PTPRM: variants seen among roughly 807,000 people sequenced by gnomAD.
PTPRM encodes receptor-type tyrosine-protein phosphatase mu.
Under a neutral mutation model 186.7 loss-of-function variants are expected in PTPRM, and 47 were observed. That is an observed-to-expected ratio of 0.25 (90% CI 0.20 to 0.32). The LOEUF (loss-of-function observed/expected upper bound fraction) is 0.32. Among genes scored for constraint, PTPRM ranks in the 10% least tolerant of loss-of-function variants. PTPRM has a pLI of 1.00. For synonymous variants in PTPRM, 668 were observed against 674.9 expected (o/e 0.99, Z 0.16); for missense variants, 1,494 against 1,865.0 (o/e 0.80, Z 3.66).
At position 8,383,518 on chromosome 18, in the gene PTPRM, C is replaced by T. The variant is rs9962525; in HGVS notation, c.3919-1043C>T. Among the ~76,000 whole-genome samples the T allele has an allele frequency of 7.6e-3, 1,162 of 152,098 alleles. 11 individuals are homozygous for T. The highest frequency in any genetic ancestry group is 0.027 in the African/African-American group (1,103 of 41,452). ...TTGTGGGGTGCTGGCTAATAAGCAC[C>T]TTCATAAGCCACCATGCCCAGCACC... On this transcript the variant is annotated intron_variant, in intron 29 of 32. Transcript: ENST00000580170.
At chr18:8,252,558 A>G in intron 18 of PTPRM, 59 bp downstream of exon 18, 1 of 1,494,730 alleles carries the variant, frequency 6.7e-7, no homozygotes, top group Non-Finnish European at 9.3e-7. Flanking sequence ...TGTGTGTCTT[A>G]CTGGTAGATT....
intron 14 of PTPRM, among the ~76,000 whole-genome samples, chr18:8,209,196 G>A (rs1202944718): frequency 1.3e-5 from 2 of 152,222 alleles, no homozygotes; most frequent in Non-Finnish European, 2.9e-5. Flanking sequence ...GGAGGACTAA[G>A]TGTGGCTGCT....
chr18:7,573,956 T>C (rs1271944515), intron 1 of PTPRM, among the ~76,000 whole-genome samples: 1 of 152,144 alleles, frequency 6.6e-6, no homozygotes, highest in Non-Finnish European at 1.5e-5. Context: ...TGAAAGTTGT[T>C]AGACTTGCAA....
chr18:8,292,255 C>T (rs1045906612), intron 19 of PTPRM, among the ~76,000 whole-genome samples: 6 of 152,214 alleles, frequency 3.9e-5, no homozygotes, highest in African/African-American at 9.6e-5. Flanking sequence ...ATATCTTGAA[C>T]GTATATGCTA....
intron 22 of PTPRM, among the ~76,000 whole-genome samples, chr18:8,335,711 A>G (rs2095435202): frequency 1.3e-5 from 2 of 152,210 alleles, no homozygotes; most frequent in African/African-American, 4.8e-5. Flanking sequence ...CCTCGAAAGC[A>G]TTCTGGTTCC....
rs184648799 is a variant in PTPRM at position 7,889,658 on chromosome 18, T to G, written c.468+1281T>G. ...CCAGCTGGATATTTTAGTTTCTATA[T>G]TAAGTAGGCCATATGTGACGCAGAA... On this transcript the variant is annotated intron_variant, in intron 3 of 32. Coordinates refer to ENST00000580170, the MANE Select transcript of PTPRM (RefSeq NM_001105244.2). Among the ~76,000 whole-genome samples, 9 of 152,188 alleles carry G rather than the reference T, an allele frequency of 5.9e-5. No individual in the cohort carries two copies. In the East Asian group the frequency reaches 1.7e-3, roughly 29 times the overall value.
intron 1 of PTPRM, among the ~76,000 whole-genome samples, chr18:7,622,270 A>G (rs1205444462): frequency 1.3e-5 from 2 of 152,124 alleles, no homozygotes. Context: ...TAAGAATCCT[A>G]AAATATGTAC....
At chr18:8,329,892 C>T (rs564568177) in intron 22 of PTPRM, among the ~76,000 whole-genome samples, 10 of 152,084 alleles carry the variant, frequency 6.6e-5, no homozygotes, top group African/African-American at 2.2e-4. Flanking sequence ...TCCAGCTCCT[C>T]GGCTCAAGGG....
At chr18:8,310,065 C>G (rs955692053) in intron 20 of PTPRM, among the ~76,000 whole-genome samples, 4 of 152,170 alleles carry the variant, frequency 2.6e-5, no homozygotes, top group African/African-American at 9.7e-5. Context: ...TGGTTCACAT[C>G]TTAGTCAATG....
intron 2 of PTPRM, among the ~76,000 whole-genome samples, chr18:7,778,023 G>C (rs1430412387): frequency 6.6e-6 from 1 of 152,148 alleles, no homozygotes; most frequent in Non-Finnish European, 1.5e-5. Flanking sequence ...GAATTTAAAA[G>C]TTATGACAGT....
At chr18:7,726,327 C>T (rs1446085) in intron 1 of PTPRM, among the ~76,000 whole-genome samples, 56,911 of 152,014 alleles carry the variant, frequency 0.37, 12,423 homozygotes, top group East Asian at 0.83. Context: ...ATCCTTTGCT[C>T]ATTTTTAATT....
intron 5 of PTPRM, among the ~76,000 whole-genome samples, chr18:7,942,369 G>T (rs1432012833): frequency 2.0e-5 from 3 of 152,114 alleles, no homozygotes; most frequent in African/African-American, 7.2e-5. Flanking sequence ...AGGGAAAACT[G>T]TGTTTTTATG....
chr18:7,865,330 A>C (rs1183209707), intron 2 of PTPRM, among the ~76,000 whole-genome samples: 1 of 151,460 alleles, frequency 6.6e-6, no homozygotes. Flanking sequence ...GTTTGTCATA[A>C]ATAGCTCTTA....
intron 22 of PTPRM, among the ~76,000 whole-genome samples, chr18:8,333,298 T>C (rs902498456): frequency 1.3e-5 from 2 of 152,208 alleles, no homozygotes; most frequent in Admixed American, 6.5e-5. Flanking sequence ...AATGCAACTA[T>C]CAAATAAGTG....
chr18:7,984,668 A>G (rs1186064717), intron 7 of PTPRM, among the ~76,000 whole-genome samples: 5 of 123,942 alleles, frequency 4.0e-5, no homozygotes, highest in African/African-American at 1.1e-4. Flanking sequence ...ATATATATAT[A>G]CACACATATA....
At chr18:7,812,681 C>A (rs2044591185) in intron 2 of PTPRM, among the ~76,000 whole-genome samples, 2 of 151,856 alleles carry the variant, frequency 1.3e-5, no homozygotes, top group South Asian at 4.2e-4. Context: ...TATCTACTTG[C>A]CAACTTCACC....
At chr18:8,260,263 A>C (rs560976465) in intron 19 of PTPRM, among the ~76,000 whole-genome samples, 9 of 152,152 alleles carry the variant, frequency 5.9e-5, no homozygotes, top group Non-Finnish European at 1.3e-4. Context: ...TCCTCAGCTC[A>C]AGAAATCATC....
chr18:7,882,029 C>T (rs2048533936), intron 2 of PTPRM, among the ~76,000 whole-genome samples: 1 of 151,836 alleles, frequency 6.6e-6, no homozygotes, highest in East Asian at 1.9e-4. Flanking sequence ...ATTTGGGTAC[C>T]AAGGATGCTA....
chr18:7,715,400 A>C (rs1477528224), intron 1 of PTPRM, among the ~76,000 whole-genome samples: 1 of 152,220 alleles, frequency 6.6e-6, no homozygotes, highest in South Asian at 2.1e-4. Flanking sequence ...AGCCAATATC[A>C]TACTGAATGG....
Sources: allele counts gnomAD v4.1 joint callset (sites outside exome capture counted in the v4.1 genomes callset), GRCh38; gene constraint gnomAD v4.1.1; transcripts MANE v1.5; gene names NCBI Gene and HGNC (gene_info 2026-07-23, HGNC 2026-07-21).